Variants in PCDHA1 observed in about 807,000 individuals in gnomAD.
PCDHA1 encodes protocadherin alpha 1, also known as protocadherin alpha-1.
PCDHA1 carries 42 observed loss-of-function variants against 61.3 expected under a neutral mutation model. The observed-to-expected ratio is 0.69, with a 90% CI of 0.54 to 0.89. PCDHA1 has a LOEUF of 0.89. Among genes scored for constraint, PCDHA1 ranks in the 40% least tolerant of loss-of-function variants. PCDHA1 has a pLI of 0.00. For missense variants in PCDHA1, 1,256 were observed against 1,235.3 expected, an observed-to-expected ratio of 1.02 and a Z score of -0.25; for synonymous variants, 610 against 553.8, an observed-to-expected ratio of 1.10 and a Z score of -1.43.
chr5:140,964,238 T>G (rs1354844619), intron 1 of PCDHA1, among the ~76,000 whole-genome samples: 1 of 152,208 alleles, frequency 6.6e-6, no homozygotes, highest in Admixed American at 6.5e-5. Flanking sequence ...AGGCTGATTG[T>G]GTTGGCTTTA....
chr5:140,801,444 A>G (rs1554121478), intron 1 of PCDHA1: 3 of 1,613,942 alleles, frequency 1.9e-6, no homozygotes, highest in East Asian at 2.2e-5. Flanking sequence ...GCAGAATGGC[A>G]TTTTGTTTGT....
chr5:140,988,516 G>A (rs1226381986), intron 3 of PCDHA1, among the ~76,000 whole-genome samples: 1 of 152,156 alleles, frequency 6.6e-6, no homozygotes, highest in African/African-American at 2.4e-5. Flanking sequence ...GCTTACTTAA[G>A]TCTCTGCTGG....
chr5:140,827,633 G>A (rs143632043), intron 1 of PCDHA1, among the ~76,000 whole-genome samples: 6 of 152,330 alleles, frequency 3.9e-5, no homozygotes, highest in African/African-American at 1.4e-4. Flanking sequence ...GTGTAGAATA[G>A]TTTACATTTC....
intron 1 of PCDHA1, chr5:140,834,582 G>C (rs1554134344): frequency 5.6e-6 from 9 of 1,614,016 alleles, no homozygotes; most frequent in Non-Finnish European, 7.6e-6. Flanking sequence ...GTTCCGGGCG[G>C]TGTGCAAATT....
At chr5:140,796,704 G>T (rs781967700) in intron 1 of PCDHA1, 1 of 1,613,992 alleles carries the variant, frequency 6.2e-7, no homozygotes, top group Non-Finnish European at 8.5e-7. Context: ...TGAGTGAGCT[G>T]GTGCCGTGGT....
At chr5:140,836,611 G>T (rs1554136131) in intron 1 of PCDHA1, 2 of 1,613,590 alleles carry the variant, frequency 1.2e-6, no homozygotes, top group East Asian at 4.5e-5. Context: ...GTGTGCTCCA[G>T]CGCGGTGGGG....
intron 1 of PCDHA1, among the ~76,000 whole-genome samples, chr5:140,893,013 CCTGACTTATTTCA>C (rs2063781212): frequency 6.6e-6 from 1 of 152,170 alleles, no homozygotes; most frequent in African/African-American, 2.4e-5. Context: ...TTTTTCTGTG[CCTGACTTATTTCA>C]CTTAACATAT....
chr5:140,937,560 T>A (rs933672983), intron 1 of PCDHA1, among the ~76,000 whole-genome samples: 1 of 152,060 alleles, frequency 6.6e-6, no homozygotes, highest in Non-Finnish European at 1.5e-5. Flanking sequence ...GAGGTTGCAG[T>A]GAGCTGGGAT....
intron 1 of PCDHA1, chr5:140,805,509 T>C: frequency 8.1e-6 from 8 of 988,466 alleles, no homozygotes; most frequent in Non-Finnish European, 8.4e-6. Context: ...ACTAGATTGA[T>C]TTTTTGTTTA....
Position 140,807,398 on chromosome 5 carries a change from C to G in PCDHA1, c.2394+18714C>G. On this transcript the variant is annotated intron_variant, in intron 1 of 3. Transcript: ENST00000504120. ...CCTGTTCCGGGTGGCGTCCAAGGGC[C>G]GCGGAGGCCTTCTGGAGGTAAATCT... is the stretch of plus-strand genomic sequence containing the variant. 2.0e-6 allele frequency: 3 copies of G among 1,498,068 alleles called. 1 individual carries two copies. The highest frequency in any genetic ancestry group is 2.7e-6 in the Non-Finnish European group (3 of 1,094,234). 92.8% of individuals were successfully genotyped at this position (1,498,068 alleles called of 1,614,324 possible).
chr5:140,843,894 A>G, intron 1 of PCDHA1: 1 of 670,078 alleles, frequency 1.5e-6, no homozygotes, highest in Non-Finnish European at 2.5e-6. Context: ...AGTATTAATC[A>G]TTCTCCACAA....
At chr5:140,813,502 TA>T (rs1321309612) in intron 1 of PCDHA1, 1 of 152,182 alleles carries the variant, frequency 6.6e-6, no homozygotes, top group African/African-American at 2.4e-5. Flanking sequence ...AAAGGTACAG[TA>T]AAAACATTGT....
intron 1 of PCDHA1, among the ~76,000 whole-genome samples, chr5:140,940,086 A>G (rs373629874): frequency 6.6e-6 from 1 of 152,214 alleles, no homozygotes; most frequent in African/African-American, 2.4e-5. Flanking sequence ...TTTCTGCTAA[A>G]TTGAAACTTT....
chr5:140,927,412 G>A, intron 1 of PCDHA1: 1 of 1,614,122 alleles, frequency 6.2e-7, no homozygotes, highest in African/African-American at 1.3e-5. Context: ...CCTGGACATG[G>A]GATCGCGGGT....
intron 1 of PCDHA1, chr5:140,858,119 C>T (rs1444406371): frequency 4.4e-6 from 7 of 1,597,808 alleles, no homozygotes; most frequent in South Asian, 1.1e-5. Flanking sequence ...CGAGGTGGCC[C>T]TGGTGGATGT....
intron 1 of PCDHA1, chr5:140,927,089 T>G: frequency 6.2e-7 from 1 of 1,612,460 alleles, no homozygotes; most frequent in Non-Finnish European, 8.5e-7. Flanking sequence ...GAGCTCTACT[T>G]CGGGGTGGAT....
chr5:140,823,320 G>C, intron 1 of PCDHA1: 1 of 1,612,290 alleles, frequency 6.2e-7, no homozygotes, highest in Non-Finnish European at 8.5e-7. Flanking sequence ...AGAGCGGCAA[G>C]GTGTACGCGC....
chr5:140,877,406 A>G (rs1554169685), intron 1 of PCDHA1: 2 of 1,613,868 alleles, frequency 1.2e-6, no homozygotes, highest in East Asian at 2.2e-5. Flanking sequence ...GCTCCGCGCC[A>G]CCGCCTGCTG....
chr5:140,841,274 C>T (rs1554138057), intron 1 of PCDHA1: 4 of 1,518,268 alleles, frequency 2.6e-6, no homozygotes. Context: ...TACAGTCGTT[C>T]ATCTTTATAT....
Sources: gnomAD v4.1 joint callset for allele counts (sites outside exome capture counted in the v4.1 genomes callset) on GRCh38, gnomAD v4.1.1 for gene constraint, MANE v1.5 for transcripts, NCBI Gene and HGNC (gene_info 2026-07-23, HGNC 2026-07-21) for gene names.